The following LAMA2 variants were observed in gnomAD, a reference collection of about 807,000 sequenced individuals.
LAMA2 encodes the protein laminin subunit alpha-2.
Under a neutral mutation model 364.8 loss-of-function variants are expected in LAMA2, and 269 were observed. The observed-to-expected ratio is 0.74, with a 90% CI of 0.67 to 0.82. The LOEUF is 0.82. Ranked by LOEUF, LAMA2 falls within the 40% of genes least tolerant of loss-of-function variation. The probability of loss-of-function intolerance (pLI) is 0.00; values close to 1 mark genes in which losing one functional copy is unlikely to be tolerated. For missense variants in LAMA2, 3,807 were observed against 3,873.2 expected, an observed-to-expected ratio of 0.98 and a Z score of 0.45; for synonymous variants, 1,379 against 1,370.6, an observed-to-expected ratio of 1.01 and a Z score of -0.14.
At position 129,297,766 on chromosome 6, in the gene LAMA2, G is replaced by A; in HGVS notation, c.2938G>A (p.Glu980Lys). 6.2e-7 allele frequency: 1 copy of A among 1,614,136 alleles called. No homozygotes were observed. The highest frequency in any genetic ancestry group is 8.5e-7 in the Non-Finnish European group (1 of 1,179,984). ...TTTTGGGTCTAAGTCATTCGACTGT[G>A]AAGAGAGTGGACAATGTTGGTGCCA... ...NSFGSKSFDC[E>K]ESGQCWCQPG... The change falls in exon 21 of 65, where the codon GAA (glutamate) becomes AAA (lysine). Residue 980 changes from glutamate (E) to lysine (K), a missense_variant. Transcript: ENST00000421865.
intron 3 of LAMA2, among the ~76,000 whole-genome samples, chr6:129,087,354 A>G (rs1774444238): frequency 1.3e-5 from 2 of 152,224 alleles, no homozygotes; most frequent in African/African-American, 4.8e-5. Flanking sequence ...ATTATTAGGA[A>G]TTATAACATT....
At chr6:129,142,307 C>T (rs978997392) in intron 4 of LAMA2, among the ~76,000 whole-genome samples, 1 of 151,858 alleles carries the variant, frequency 6.6e-6, no homozygotes, top group Non-Finnish European at 1.5e-5. Flanking sequence ...TCAGGGTGTC[C>T]GCATGGTTAT....
intron 1 of LAMA2, among the ~76,000 whole-genome samples, chr6:129,037,356 T>C (rs1253751576): frequency 6.6e-6 from 1 of 152,146 alleles, no homozygotes; most frequent in Admixed American, 6.5e-5. Flanking sequence ...GGATCAGCCA[T>C]GTATTATTGT....
chr6:129,307,548 A>T (rs912583322), intron 22 of LAMA2, among the ~76,000 whole-genome samples: 1 of 152,150 alleles, frequency 6.6e-6, no homozygotes, highest in Non-Finnish European at 1.5e-5. Flanking sequence ...TCTGTGTTGC[A>T]GCCTAGAAAT....
intron 1 of LAMA2, among the ~76,000 whole-genome samples, chr6:128,977,708 T>A (rs1782619093): frequency 6.6e-6 from 1 of 152,234 alleles, no homozygotes. Flanking sequence ...CAGGTTTCGG[T>A]TGAGACAATA....
At chr6:129,455,476 T>C (rs1350307511) in intron 47 of LAMA2, among the ~76,000 whole-genome samples, 1 of 152,162 alleles carries the variant, frequency 6.6e-6, no homozygotes, top group Non-Finnish European at 1.5e-5. Flanking sequence ...CCTTATTTGA[T>C]AAATTCATTC....
At chr6:129,231,578 T>C (rs965875462) in intron 12 of LAMA2, among the ~76,000 whole-genome samples, 3 of 152,128 alleles carry the variant, frequency 2.0e-5, no homozygotes, top group Non-Finnish European at 4.4e-5. Flanking sequence ...TTCCCTTCCA[T>C]TCATGTTGAC....
chr6:129,248,060 G>A (rs1407767210), intron 12 of LAMA2, among the ~76,000 whole-genome samples: 1 of 152,160 alleles, frequency 6.6e-6, no homozygotes, highest in Non-Finnish European at 1.5e-5. Flanking sequence ...TCAGGCAAGT[G>A]AGCATCACTG....
At chr6:129,394,364 G>A (rs1160696766) in intron 37 of LAMA2, among the ~76,000 whole-genome samples, 4 of 152,126 alleles carry the variant, frequency 2.6e-5, no homozygotes, top group Admixed American at 1.3e-4. Context: ...CAATCAACCA[G>A]GATTTTTTAA....
chr6:129,312,152 G>GA (rs5879943), intron 22 of LAMA2, among the ~76,000 whole-genome samples: 3 of 148,716 alleles, frequency 2.0e-5, no homozygotes, highest in Admixed American at 6.7e-5. Context: ...TAAGTTGATG[G>GA]AAAAAAAAAA....
chr6:129,085,690 C>T (rs928009986), intron 3 of LAMA2, among the ~76,000 whole-genome samples: 3 of 152,120 alleles, frequency 2.0e-5, no homozygotes, highest in South Asian at 2.1e-4. Context: ...GTGAGTTCCA[C>T]GGGTCCTTTT....
intron 58 of LAMA2, among the ~76,000 whole-genome samples, chr6:129,497,249 T>C (rs1785259678): frequency 6.6e-6 from 1 of 152,138 alleles, no homozygotes; most frequent in African/African-American, 2.4e-5. Context: ...AGAATTTAGA[T>C]TCTTTATTTT....
At chr6:128,924,892 C>T (rs944548915) in intron 1 of LAMA2, among the ~76,000 whole-genome samples, 1 of 152,176 alleles carries the variant, frequency 6.6e-6, no homozygotes, top group Non-Finnish European at 1.5e-5. Context: ...TTAAGTTTCA[C>T]ACCATATTGT....
intron 1 of LAMA2, among the ~76,000 whole-genome samples, chr6:129,036,755 T>C (rs1316205448): frequency 1.3e-5 from 2 of 152,198 alleles, no homozygotes; most frequent in Non-Finnish European, 2.9e-5. Context: ...TTGAAAGTCC[T>C]ATAAACAGGA....
chr6:129,257,492 A>G (rs1343843541), intron 14 of LAMA2, among the ~76,000 whole-genome samples: 1 of 152,086 alleles, frequency 6.6e-6, no homozygotes, highest in Non-Finnish European at 1.5e-5. Context: ...ACTGTTTCTT[A>G]AAGTAGTCAA....
At chr6:128,946,493 C>A (rs574114609) in intron 1 of LAMA2, among the ~76,000 whole-genome samples, 4 of 152,248 alleles carry the variant, frequency 2.6e-5, no homozygotes, top group African/African-American at 7.2e-5. Flanking sequence ...GGAAAAATAT[C>A]AAAATTCAAA....
In LAMA2 at chr6:129,492,281, AAAT is replaced by A. The variant is rs374402831; in HGVS notation, c.8076-31_8076-29del. ...TAATTGTAAGGAAGCAAAAAAACGA[AAAT>A]AAAAAAATCTTATTTATTACATTCT... On this transcript the variant is annotated intron_variant, in intron 57 of 64. Coordinates refer to ENST00000421865, the MANE Select transcript of LAMA2 (RefSeq NM_000426.4). 9.5e-4 allele frequency: 1,522 copies of A among 1,607,378 alleles called. 6 individuals carry two copies. The African/African-American group carries it at 0.014, about 15-fold the overall frequency.
intron 3 of LAMA2, among the ~76,000 whole-genome samples, chr6:129,086,613 A>G (rs1774399925): frequency 6.6e-6 from 1 of 152,258 alleles, no homozygotes; most frequent in African/African-American, 2.4e-5. Context: ...TTTTGCAAAA[A>G]GCAAAAGTAG....
At chr6:129,219,649 A>C (rs1339468995) in intron 12 of LAMA2, among the ~76,000 whole-genome samples, 6 of 146,038 alleles carry the variant, frequency 4.1e-5, no homozygotes, top group Admixed American at 1.4e-4. Flanking sequence ...ATGCAGCCAT[A>C]AAAAATGATG....
Sources: allele counts gnomAD v4.1 joint callset (sites outside exome capture counted in the v4.1 genomes callset), GRCh38; gene constraint gnomAD v4.1.1; transcripts MANE v1.5; gene names NCBI Gene and HGNC (gene_info 2026-07-23, HGNC 2026-07-21).